The following KIF12 variants were observed in gnomAD, a reference collection of about 807,000 sequenced individuals.
KIF12 encodes kinesin-like protein KIF12.
Under a neutral mutation model 87.9 loss-of-function variants are expected in KIF12, and 80 were observed. That is an observed-to-expected ratio of 0.91 (90% CI 0.76 to 1.10). KIF12 has a LOEUF of 1.10. Among genes scored for constraint, KIF12 ranks in the 50% least tolerant of loss-of-function variants. KIF12 has a pLI of 0.00. For synonymous variants in KIF12, 353 were observed against 348.5 expected (o/e 1.01, Z -0.14); for missense variants, 819 against 865.3 (o/e 0.95, Z 0.67).
At position 114,094,265 on chromosome 9, in the gene KIF12, CCT is replaced by C; in HGVS notation, c.1227_1228del (p.Gly410AlafsTer25). ...CCAGGCCACCCGGGCTCCACTGAGC[CCT>C]GAGGCTGCAGGGAAGCAGGAGGTGG... On this transcript the variant is annotated frameshift_variant, in exon 13 of 19. Transcript: ENST00000640217. LOFTEE classifies it high-confidence loss of function. 5.0e-6 allele frequency: 8 copies of C among 1,614,070 alleles called. No individual in the cohort carries two copies. The highest frequency in any genetic ancestry group is 6.8e-6 in the Non-Finnish European group (8 of 1,179,994).
At position 114,094,254 on chromosome 9, in the gene KIF12, C is replaced by G. The variant is rs1021273702; in HGVS notation, c.1240G>C (p.Ala414Pro). Residue 414 changes from alanine (A) to proline (P), a missense_variant, in exon 13 of 19, where the codon GCC (alanine) becomes CCC (proline). Transcript: ENST00000640217. ...MDCKASGLSG[A>P]RVAWAQRNLY... ...TTCCGCTGGGCCCAGGCCACCCGGGCTCCACTGAGCCCTGAGGCTGCAGGG... is the reference window on the plus strand; with the variant it reads ...TTCCGCTGGGCCCAGGCCACCCGGGGTCCACTGAGCCCTGAGGCTGCAGGG... 1.9e-6 allele frequency: 3 copies of G among 1,614,084 alleles called. No homozygotes were observed. The highest frequency in any genetic ancestry group is 2.5e-6 in the Non-Finnish European group (3 of 1,179,996).
intron 11 of KIF12, 101 bp from the exon 12 acceptor site, chr9:114,094,556 C>A: frequency 1.4e-6 from 1 of 690,026 alleles, no homozygotes. Context: ...AAAATCCAGC[C>A]CATGCTTCAT....
At chr9:114,098,541 T>C in intron 3 of KIF12, 112 bp from the exon 4 acceptor site, 1 of 454,454 alleles carries the variant, frequency 2.2e-6, no homozygotes, top group Non-Finnish European at 2.9e-6. Flanking sequence ...CGGGGCACTC[T>C]GGAGGAGGGC....
chr9:114,097,450 G>A lies in KIF12; in HGVS notation c.511-14C>T. The A allele has an allele frequency of 1.3e-6, 2 of 1,585,902 alleles. No individual in the cohort carries two copies. The highest frequency in any genetic ancestry group is 1.7e-6 in the Non-Finnish European group (2 of 1,167,030). On this transcript the variant is annotated splice_polypyrimidine_tract_variant and intron_variant, in intron 6 of 18. Coordinates refer to ENST00000640217, the MANE Select transcript of KIF12 (RefSeq NM_001388308.1). ...CAAGTCCCGAACCTGGGAGGGGAGG[G>A]AGGAGGGTGAGGGAAGGGGATCTTT... is the stretch of plus-strand genomic sequence containing the variant.
At chr9:114,092,114 T>TACCCC in intron 18 of KIF12, 114 bp from the exon 19 acceptor site, 1 of 1,389,294 alleles carries the variant, frequency 7.2e-7, no homozygotes, top group Non-Finnish European at 9.5e-7. Context: ...CCTCCACCCT[T>TACCCC]CCCCCCACCC....
In KIF12 at chr9:114,093,253, C is replaced by G. The variant is rs1388776616; in HGVS notation, c.1572G>C (p.Leu524=). ...CCTGGGGCAGGTGGTGCTCCCCTGG[C>G]AGGCAGGCCCAGTGGGCCAGGGGCA... ...CRVPLAHWAC[L]PGEHHLPQVL... is the part of the protein sequence containing the mutation. Residue 524 remains leucine (L), a synonymous_variant, in exon 16 of 19, where the codon CTG becomes CTC. Transcript: ENST00000640217. 1.9e-6 allele frequency: 3 copies of G among 1,555,218 alleles called. No individual in the cohort carries two copies. The South Asian group carries it at 3.6e-5, about 18-fold the overall frequency.
rs1449844591 is a variant in KIF12 at position 114,098,312 on chromosome 9, C to G, written c.289G>C (p.Ala97Pro). 1 of 1,466,596 alleles carries G rather than the reference C, an allele frequency of 6.8e-7. No individual in the cohort carries two copies. The highest frequency in any genetic ancestry group is 9.0e-7 in the Non-Finnish European group (1 of 1,114,464). The allele number at this position is 1,466,596 out of a possible 1,614,324, so 90.8% of individuals were successfully genotyped here. The part of the protein sequence containing the change: ...ACGVRRLGEL[A>P]LRGFSCTVFT... ...CGAAGCTTCACTCACCCGCGCAGCG[C>G]CAGCTCCCCCAGGCGCCGCACGCCG... The change falls in exon 4 of 19, where the codon GCG becomes CCG. Residue 97 changes from alanine (A) to proline (P), a missense_variant. Ala to Pro is a conservative substitution (Grantham distance 27, BLOSUM62 -1). Coordinates refer to ENST00000640217, the MANE Select transcript of KIF12 (RefSeq NM_001388308.1).
In KIF12 at chr9:114,095,073, G is replaced by A. The variant is rs781206726; in HGVS notation, c.1069C>T (p.Arg357Ter). The stretch of plus-strand genomic sequence containing the variant: ...ACCCGCTGAGCTCGGCTTGCATATC[G>A]CAGGGTGCTGAGAGTCTCAGGAAGG... Reference protein sequence around the residue: ...QCLPETLSTLRYASRAQRVTT... With the variant: ...QCLPETLSTL The change falls in exon 11 of 19, where the codon CGA becomes TGA. Residue 357 changes from arginine (R) to a stop codon, truncating the protein, a stop_gained. Transcript: ENST00000640217. LOFTEE classifies it high-confidence loss of function. 1.1e-5 allele frequency: 17 copies of A among 1,609,924 alleles called. No homozygotes were observed. The highest frequency in any genetic ancestry group is 4.5e-5 in the East Asian group (2 of 44,818).
intron 3 of KIF12, 37 bp from the exon 4 acceptor site, chr9:114,098,466 A>AGGAGGGCGGGGCACTCTGGC: frequency 7.5e-7 from 1 of 1,325,582 alleles, no homozygotes; most frequent in Non-Finnish European, 9.7e-7. Flanking sequence ...GGCACTCTGG[A>AGGAGGGCGGGGCACTCTGGC]GGAGGGCGGG....
intron 3 of KIF12, 86 bp downstream of exon 3, chr9:114,098,849 C>T (rs1481108183): frequency 9.6e-6 from 14 of 1,451,880 alleles, no homozygotes; most frequent in African/African-American, 2.8e-5. Context: ...CGGGGGAGCG[C>T]GGGGCCTAGG....
Position 114,098,355 on chromosome 9 carries a change from C to G in KIF12, c.246G>C (p.Glu82Asp). The part of the protein sequence containing the change: ...GAVLDAARTQ[E>D]DVFRACGVRR... ...GCACGCCGCACGCCCGGAACACGTC[C>G]TCCTGCGTGCGCGCCGCGTCTAGCA... Residue 82 changes from glutamate (E) to aspartate (D), a missense_variant, in exon 4 of 19, where the codon GAG becomes GAC. By Grantham distance (45) the Glu-to-Asp change is conservative (BLOSUM62 2). Transcript: ENST00000640217. The G allele has an allele frequency of 1.3e-6, 2 of 1,499,398 alleles. No homozygotes were observed. The highest frequency in any genetic ancestry group is 1.8e-6 in the Non-Finnish European group (2 of 1,129,190). The allele number at this position is 1,499,398 out of a possible 1,614,324, so 92.9% of individuals were successfully genotyped here.
chr9:114,099,193 C>G (rs1252828501), intron 1 of KIF12, 24 bp from the exon 2 acceptor site: 15 of 1,528,502 alleles, frequency 9.8e-6, no homozygotes, highest in Non-Finnish European at 1.3e-5. Context: ...TGCGACTTAT[C>G]ATACCTGCAC....
rs773524907 is a variant in KIF12 at position 114,092,042 on chromosome 9, C to T, written c.1817-42G>A. The T allele has an allele frequency of 1.3e-4, 211 of 1,577,302 alleles. 1 individual carries two copies. Among genetic ancestry groups the T allele is most frequent in the Non-Finnish European group, 2.6e-6 (3 of 1,160,940 alleles). On this transcript the variant is annotated intron_variant, in intron 18 of 18. Transcript: ENST00000640217. ...CTCGAGGCCTGCCCTCTCCAGGGCC[C>T]TTCCTCACCCAGGTCCATCTGGGTC...
In KIF12 at chr9:114,096,625, T is replaced by C; in HGVS notation, c.647-147A>G. Reference sequence around the variant, plus strand: ...AGAGTGGGTGTTGTTCAGGGAACGATGGGATGTTGGGCCCTGCTCTAGCAG... The same window carrying C: ...AGAGTGGGTGTTGTTCAGGGAACGACGGGATGTTGGGCCCTGCTCTAGCAG... On this transcript the variant is annotated intron_variant, in intron 7 of 18. Transcript: ENST00000640217. The C allele has an allele frequency of 2.9e-6, 2 of 685,370 alleles. 1 individual carries two copies. 42.5% of individuals were successfully genotyped at this position (685,370 alleles called of 1,614,324 possible).
rs778577561 is a variant in KIF12, at chr9:114,098,939, A to C, written c.167T>G (p.Leu56Arg). 20 of 1,548,440 alleles carry C rather than the reference A, an allele frequency of 1.3e-5. No homozygotes were observed. Among genetic ancestry groups the C allele is most frequent in the Admixed American group, 2.0e-5 (1 of 50,958 alleles). ...SVLHCSGTRT[L>R]QVSPPGGGPE... ...ATAGAGAGAGGGGTTCCTCACCTGC[A>C]GAGTCCGGGTCCCTGAGCAGTGCAG... is the stretch of plus-strand genomic sequence containing the variant. The change falls in exon 3 of 19, where the codon CTG becomes CGG. Residue 56 changes from leucine to arginine, a missense_variant. Physicochemically the swap from Leu to Arg is moderately radical, Grantham distance 102. Coordinates refer to ENST00000640217, the MANE Select transcript of KIF12 (RefSeq NM_001388308.1).
Position 114,095,207 on chromosome 9 carries a change from T to C in KIF12, c.1014+7A>G. The C allele has an allele frequency of 6.2e-7, 1 of 1,613,426 alleles. No individual in the cohort carries two copies. The highest frequency in any genetic ancestry group is 8.5e-7 in the Non-Finnish European group (1 of 1,179,920). Reference sequence around the variant, plus strand: ...CCAACCTTCCCTGCCAGGCCCCGCTTAAGTACCATGAGGGTGACCCCGCGC... The same window carrying C: ...CCAACCTTCCCTGCCAGGCCCCGCTCAAGTACCATGAGGGTGACCCCGCGC... On this transcript the variant is annotated splice_region_variant and intron_variant, in intron 10 of 18. Transcript: ENST00000640217.
Position 114,098,421 on chromosome 9 carries a change from A to G in KIF12, c.180T>C (p.Pro60=), listed in dbSNP as rs1272848058. 1 of 1,410,366 alleles carries G rather than the reference A, an allele frequency of 7.1e-7. No individual in the cohort carries two copies. The highest frequency in any genetic ancestry group is 9.3e-7 in the Non-Finnish European group (1 of 1,071,990). 87.4% of individuals were successfully genotyped at this position (1,410,366 alleles called of 1,614,324 possible). A position where few individuals can be genotyped will look rare whatever the true frequency, so the allele number is the denominator to read the frequency against. ...CSGTRTLQVS[P]PGGGPEVAFR... Reference sequence around the variant, plus strand: ...ACGCCACTTCTGGACCCCCGCCTGGAGGACTCACCTGGCGCGGGTGGGGCG... The same window carrying G: ...ACGCCACTTCTGGACCCCCGCCTGGGGGACTCACCTGGCGCGGGTGGGGCG... The change falls in exon 4 of 19, where the codon CCT becomes CCC. Residue 60 remains proline (P), a synonymous_variant. Coordinates refer to ENST00000640217, the MANE Select transcript of KIF12 (RefSeq NM_001388308.1).
In KIF12 at chr9:114,095,063, C is replaced by T; in HGVS notation, c.1079G>A (p.Ser360Asn). Residue 360 changes from serine to asparagine, a missense_variant, in exon 11 of 19, where the codon AGC (serine) becomes AAC (asparagine). By Grantham distance (46) the Ser-to-Asn change is conservative (BLOSUM62 1). Coordinates refer to ENST00000640217, the MANE Select transcript of KIF12 (RefSeq NM_001388308.1). ...PETLSTLRYA[S>N]RAQRVTTRPQ... Reference sequence around the variant, plus strand: ...TCGGGTGGTGACCCGCTGAGCTCGGCTTGCATATCGCAGGGTGCTGAGAGT... The same window carrying T: ...TCGGGTGGTGACCCGCTGAGCTCGGTTTGCATATCGCAGGGTGCTGAGAGT... The T allele has an allele frequency of 2.5e-6, 4 of 1,609,762 alleles. No homozygotes were observed. Among genetic ancestry groups the T allele is most frequent in the Non-Finnish European group, 3.4e-6 (4 of 1,177,882 alleles).
chr9:114,092,747 G>T, intron 16 of KIF12, 105 bp from the exon 17 acceptor site: 1 of 1,502,476 alleles, frequency 6.7e-7, no homozygotes, highest in Non-Finnish European at 8.8e-7. Flanking sequence ...ACCCCACAAG[G>T]TACCAAGAAT....
Sources: gnomAD v4.1 joint callset for allele counts on GRCh38, gnomAD v4.1.1 for gene constraint, MANE v1.5 for transcripts, NCBI Gene and HGNC (gene_info 2026-07-23, HGNC 2026-07-21) for gene names.